Variants in SCN9A observed in about 807,000 individuals in gnomAD.
SCN9A encodes sodium channel protein type 9 subunit alpha.
SCN9A carries 131 observed loss-of-function variants against 187.0 expected under a neutral mutation model. The observed-to-expected ratio is 0.70, with a 90% confidence interval of 0.61 to 0.81. The LOEUF is 0.81. Ranked by LOEUF, SCN9A falls within the 30% of genes least tolerant of loss-of-function variation. The probability of loss-of-function intolerance (pLI) is 0.00; values close to 1 mark genes in which losing one functional copy is unlikely to be tolerated. For synonymous variants in SCN9A, 809 were observed against 808.6 expected (o/e 1.00, Z -0.01); for missense variants, 2,252 against 2,396.6 (o/e 0.94, Z 1.26).
At chr2:166,267,495 G>A (rs1448378494) in intron 17 of SCN9A, among the ~76,000 whole-genome samples, 1 of 151,838 alleles carries the variant, frequency 6.6e-6, no homozygotes, top group East Asian at 1.9e-4. Context: ...TGTTCATCAG[G>A]GATAGTGGCC....
At chr2:166,273,787 C>T (rs950687882) in intron 16 of SCN9A, among the ~76,000 whole-genome samples, 28 of 151,984 alleles carry the variant, frequency 1.8e-4, no homozygotes, top group Non-Finnish European at 1.8e-4. Context: ...TTTCATGGCC[C>T]AAATCATCTA....
intron 2 of SCN9A, among the ~76,000 whole-genome samples, chr2:166,309,564 A>T (rs1698873779): frequency 6.6e-6 from 1 of 152,158 alleles, no homozygotes; most frequent in South Asian, 2.1e-4. Flanking sequence ...GACCTCTTCG[A>T]GGAGAACTAC....
Position 166,272,441 on chromosome 2 carries a change from A to G in SCN9A, c.3309T>C (p.Ala1103=). 2 of 1,609,048 alleles carry G rather than the reference A, an allele frequency of 1.2e-6. No homozygotes were observed. The highest frequency in any genetic ancestry group is 1.7e-6 in the Non-Finnish European group (2 of 1,177,020). Residue 1103 remains alanine, a synonymous_variant, in exon 17 of 27, where the codon GCT becomes GCC. Transcript: ENST00000642356. ...TATCCGAATCACTGCTAAGTTCCTC[A>G]GCATTCATATTTTCCAAATCGGATT... ...PGESDLENMN[A]EELSSDSDSE...
Position 166,323,804 on chromosome 2 carries a change from ATTTAT to A in SCN9A, c.-50-12003_-50-11999del, listed in dbSNP as rs576098220. 1.2e-3 allele frequency among the ~76,000 whole-genome samples: 189 copies of A among 152,074 alleles called. 1 individual carries two copies. Among genetic ancestry groups the A allele is most frequent in the South Asian group, 2.3e-3 (11 of 4,808 alleles). ...TGTTTATCTTATATATGAAAGCTAT[ATTTAT>A]TTAAGAGAATAAGTTATTCTCTTAA... On this transcript the variant is annotated intron_variant, in intron 1 of 26. Transcript: ENST00000642356.
chr2:166,292,455 A>T (rs1698117999), intron 9 of SCN9A, among the ~76,000 whole-genome samples: 1 of 152,118 alleles, frequency 6.6e-6, no homozygotes, highest in South Asian at 2.1e-4. Flanking sequence ...TGTAAAGTGC[A>T]TCTTACATAA....
chr2:166,201,915 G>A (rs1481960300), intron 26 of SCN9A, among the ~76,000 whole-genome samples: 1 of 151,256 alleles, frequency 6.6e-6, no homozygotes, highest in African/African-American at 2.4e-5. Context: ...TGCATTTTTT[G>A]TGAAAATAAT....
chr2:166,357,751 G>A (rs961425499), intron 1 of SCN9A, among the ~76,000 whole-genome samples: 6 of 152,064 alleles, frequency 3.9e-5, no homozygotes, highest in Admixed American at 6.6e-5. Flanking sequence ...TAGCTTGTGC[G>A]CCATACTTGC....
At chr2:166,210,141 G>A (rs1482993332) in intron 24 of SCN9A, among the ~76,000 whole-genome samples, 1 of 152,134 alleles carries the variant, frequency 6.6e-6, no homozygotes, top group East Asian at 1.9e-4. Context: ...AAAAGGATGA[G>A]CTCAAGTCCT....
At chr2:166,340,239 A>C (rs905237188) in intron 1 of SCN9A, among the ~76,000 whole-genome samples, 3 of 152,196 alleles carry the variant, frequency 2.0e-5, no homozygotes, top group Non-Finnish European at 2.9e-5. Flanking sequence ...TATATCGACT[A>C]TTTGACATGG....
In SCN9A at chr2:166,311,485, C is replaced by A; in HGVS notation, c.258+14G>T. The stretch of plus-strand genomic sequence containing the variant: ...GCCAACAGAAACTGACCACTGAAGT[C>A]AAAATAAACTCACCTTTTTGTCTGC... On this transcript the variant is annotated intron_variant, in intron 2 of 26. Coordinates refer to ENST00000642356, the MANE Select transcript of SCN9A (RefSeq NM_001365536.1). The A allele has an allele frequency of 6.6e-7, 1 of 1,513,958 alleles. No homozygotes were observed. Among genetic ancestry groups the A allele is most frequent in the South Asian group, 1.4e-5 (1 of 70,672 alleles). The allele number at this position is 1,513,958 out of a possible 1,614,324, so 93.8% of individuals were successfully genotyped here. A position where few individuals can be genotyped will look rare whatever the true frequency, so the allele number is the denominator to read the frequency against.
chr2:166,305,734 C>T, intron 5 of SCN9A, 58 bp downstream of exon 5: 2 of 1,608,506 alleles, frequency 1.2e-6, no homozygotes, highest in Non-Finnish European at 1.7e-6. Context: ...GTTATTGGAA[C>T]ACTGTGCTGC....
chr2:166,200,110 G>C (rs1410592272), intron 26 of SCN9A, among the ~76,000 whole-genome samples: 1 of 140,806 alleles, frequency 7.1e-6, no homozygotes, highest in African/African-American at 2.6e-5. Context: ...CCATTCTCCT[G>C]CCTCAGCCTC....
chr2:166,224,905 A>T (rs1443192511), intron 24 of SCN9A, among the ~76,000 whole-genome samples: 3 of 152,162 alleles, frequency 2.0e-5, no homozygotes, highest in Non-Finnish European at 4.4e-5. Flanking sequence ...TGAGGATACT[A>T]TGTCTTTTAG....
intron 24 of SCN9A, among the ~76,000 whole-genome samples, chr2:166,211,475 A>G (rs1428688335): frequency 6.6e-6 from 1 of 152,128 alleles, no homozygotes; most frequent in Non-Finnish European, 1.5e-5. Context: ...TAGTAAAGGT[A>G]AATACATGGA....
chr2:166,294,806 TC>T, intron 7 of SCN9A, 144 bp from the exon 8 acceptor site: 1 of 488,716 alleles, frequency 2.0e-6, no homozygotes. Context: ...TTTACTATTT[TC>T]TCATATATTC....
intron 5 of SCN9A, among the ~76,000 whole-genome samples, chr2:166,305,079 G>A (rs372818817): frequency 3.2e-4 from 49 of 152,070 alleles, no homozygotes; most frequent in African/African-American, 1.1e-3. Context: ...TGAAGGAATC[G>A]GATATTAGGA....
chr2:166,288,487 C>G lies in SCN9A; in HGVS notation c.1264G>C (p.Glu422Gln). The change falls in exon 10 of 27, where the codon GAA (glutamate) becomes CAA (glutamine). Residue 422 changes from glutamate (E) to glutamine (Q), a missense_variant. This residue lies in a region of SCN9A where 1,013 missense variants were observed against 997.4 expected (regional missense o/e 1.02). Coordinates refer to ENST00000642356, the MANE Select transcript of SCN9A (RefSeq NM_001365536.1). The stretch of plus-strand genomic sequence containing the variant: ...AGACGGTCTAACATCTGTTGAAATT[C>G]TAATTCTTTCTGTTTAGCTTCTTCA... ...NIEEAKQKEL[E>Q]FQQMLDRLKK... The G allele has an allele frequency of 6.2e-7, 1 of 1,613,044 alleles. No homozygotes were observed. The highest frequency in any genetic ancestry group is 1.3e-5 in the African/African-American group (1 of 74,982).
chr2:166,242,438 T>A, intron 19 of SCN9A, 64 bp downstream of exon 19: 1 of 1,324,210 alleles, frequency 7.6e-7, no homozygotes, highest in Non-Finnish European at 1.0e-6. Flanking sequence ...TATTTTTATC[T>A]TTTAGCTCAT....
At chr2:166,251,920 A>AT in intron 17 of SCN9A, 35 bp from the exon 18 acceptor site, 1 of 1,609,066 alleles carries the variant, frequency 6.2e-7, no homozygotes, top group Non-Finnish European at 8.5e-7. Flanking sequence ...CAGGTAGTTC[A>AT]TTTAGAGTTC....
Sources: gnomAD v4.1 joint callset for allele counts (sites outside exome capture counted in the v4.1 genomes callset) on GRCh38, gnomAD v4.1.1 for gene constraint, gnomAD v4.1.1 regional missense constraint, MANE v1.5 for transcripts, NCBI Gene and HGNC (gene_info 2026-07-23, HGNC 2026-07-21) for gene names.